The following IL1RAPL1 variants were observed in gnomAD, a reference collection of about 807,000 sequenced individuals.
IL1RAPL1 encodes interleukin 1 receptor accessory protein like 1, also known as interleukin-1 receptor accessory protein-like 1.
A neutral mutation model predicts 48.4 loss-of-function variants in IL1RAPL1; 3 were observed. The ratio of observed to expected loss-of-function variants is 0.06; its 90% CI spans 0.03 to 0.16. IL1RAPL1 has a LOEUF of 0.16. IL1RAPL1 is among the 10% of genes least tolerant of loss of function. IL1RAPL1 has a pLI of 1.00. For missense variants in IL1RAPL1, 349 were observed against 530.6 expected (o/e 0.66, Z 3.36); for synonymous variants, 185 against 187.7 (o/e 0.99, Z 0.12).
At chrX:29,109,419 T>G (rs1169242212) in intron 2 of IL1RAPL1, among the ~76,000 whole-genome samples, 1 of 110,741 alleles carries the variant, frequency 9.0e-6, no homozygotes, top group Non-Finnish European at 1.9e-5. Flanking sequence ...TCAGTTTTTC[T>G]AATGTAAAGT....
chrX:29,207,572 T>C (rs966040373), intron 2 of IL1RAPL1, among the ~76,000 whole-genome samples: 1 of 112,256 alleles, frequency 8.9e-6, no homozygotes, highest in Non-Finnish European at 1.9e-5. Context: ...CCTTAATTTC[T>C]TTCTTACGAG....
At chrX:29,190,719 T>C (rs1391120183) in intron 2 of IL1RAPL1, among the ~76,000 whole-genome samples, 2 of 112,537 alleles carry the variant, frequency 1.8e-5, no homozygotes, top group African/African-American at 6.4e-5. Context: ...ATTAGAATGG[T>C]CTTTATGGAA....
At chrX:29,467,898 C>T (rs1386454841) in intron 5 of IL1RAPL1, among the ~76,000 whole-genome samples, 2 of 111,059 alleles carry the variant, frequency 1.8e-5, no homozygotes, top group East Asian at 2.8e-4. Context: ...TTGCTCTTGT[C>T]GGCCCAGGCT....
chrX:29,210,871 T>C (rs1188715779), intron 2 of IL1RAPL1, among the ~76,000 whole-genome samples: 2 of 112,497 alleles, frequency 1.8e-5, no homozygotes, highest in Non-Finnish European at 3.7e-5. Context: ...TCTTCAGCTC[T>C]ATATGAATAC....
At chrX:28,661,067 T>C (rs891463702) in intron 1 of IL1RAPL1, among the ~76,000 whole-genome samples, 3 of 68,505 alleles carry the variant, frequency 4.4e-5, no homozygotes, top group Non-Finnish European at 9.5e-5. Context: ...TAATTCTGCT[T>C]CTTTCTTAAC....
intron 6 of IL1RAPL1, among the ~76,000 whole-genome samples, chrX:29,858,081 A>G (rs1224374211): frequency 9.0e-6 from 1 of 111,632 alleles, no homozygotes; most frequent in Non-Finnish European, 1.9e-5. Flanking sequence ...CTTATGCCAA[A>G]GTGGCATAGT....
chrX:29,677,107 G>T (rs1926309238), intron 6 of IL1RAPL1, among the ~76,000 whole-genome samples: 1 of 112,050 alleles, frequency 8.9e-6, no homozygotes, highest in South Asian at 3.7e-4. Flanking sequence ...ATCATTTAAA[G>T]TTTGAATATA....
intron 2 of IL1RAPL1, among the ~76,000 whole-genome samples, chrX:29,165,176 G>A (rs756049945): frequency 3.0e-4 from 34 of 111,519 alleles, no homozygotes; most frequent in Non-Finnish European, 6.0e-4. Flanking sequence ...AAAATTAGCT[G>A]GGCGTGGTGG....
At chrX:29,566,172 C>A (rs1408386398) in intron 5 of IL1RAPL1, among the ~76,000 whole-genome samples, 2 of 111,780 alleles carry the variant, frequency 1.8e-5, no homozygotes, top group Non-Finnish European at 3.8e-5. Flanking sequence ...ATCTCCTGAC[C>A]TCGTGATCCA....
chrX:28,718,772 A>G (rs921984510), intron 1 of IL1RAPL1, among the ~76,000 whole-genome samples: 14 of 111,868 alleles, frequency 1.3e-4, no homozygotes, highest in Admixed American at 1.9e-4. Context: ...ACTGGCTGAC[A>G]TGAAATAGTT....
At chrX:29,273,067 G>C (rs1389130949) in intron 2 of IL1RAPL1, among the ~76,000 whole-genome samples, 1 of 111,254 alleles carries the variant, frequency 9.0e-6, no homozygotes, top group East Asian at 2.8e-4. Context: ...CCTTGGTTTG[G>C]GTTTCAACTT....
intron 5 of IL1RAPL1, among the ~76,000 whole-genome samples, chrX:29,615,099 C>T (rs1292310050): frequency 6.2e-5 from 7 of 112,171 alleles, no homozygotes; most frequent in African/African-American, 2.3e-4. Context: ...CTCCAACAAC[C>T]TAAAGATTAC....
chrX:28,872,571 GCAAA>G (rs1181457743), intron 2 of IL1RAPL1, among the ~76,000 whole-genome samples: 8 of 112,026 alleles, frequency 7.1e-5, no homozygotes, highest in Admixed American at 9.4e-5. Flanking sequence ...AGCAGTAAAA[GCAAA>G]CAAACAAACA....
intron 6 of IL1RAPL1, among the ~76,000 whole-genome samples, chrX:29,807,537 C>T (rs1255026272): frequency 2.0e-5 from 2 of 101,016 alleles, no homozygotes; most frequent in Non-Finnish European, 4.0e-5. Flanking sequence ...GCCTCTTGAA[C>T]CCGGGAGGTG....
intron 5 of IL1RAPL1, among the ~76,000 whole-genome samples, chrX:29,475,846 T>TTA (rs376989673): frequency 2.2e-3 from 242 of 111,133 alleles, no homozygotes; most frequent in African/African-American, 7.3e-3. Flanking sequence ...TTTTTTTTTT[T>TTA]ATGTAGTTTC....
chrX:29,889,291 AT>A (rs1932227795), intron 6 of IL1RAPL1, among the ~76,000 whole-genome samples: 1 of 111,895 alleles, frequency 8.9e-6, no homozygotes, highest in African/African-American at 3.2e-5. Flanking sequence ...CGAGTTTAAT[AT>A]CTGACACAAA....
At chrX:28,611,406 A>G (rs1934145954) in intron 1 of IL1RAPL1, among the ~76,000 whole-genome samples, 1 of 111,640 alleles carries the variant, frequency 9.0e-6, no homozygotes, top group Non-Finnish European at 1.9e-5. Context: ...TGCCCGAGGG[A>G]GTTTACAATT....
At chrX:29,387,380 T>G (rs1933792476) in intron 3 of IL1RAPL1, among the ~76,000 whole-genome samples, 1 of 112,548 alleles carries the variant, frequency 8.9e-6, no homozygotes, top group Non-Finnish European at 1.9e-5. Flanking sequence ...TGTCACTTTT[T>G]ATACGAAACT....
intron 6 of IL1RAPL1, among the ~76,000 whole-genome samples, chrX:29,875,965 A>T (rs1012966668): frequency 1.8e-5 from 2 of 111,671 alleles, no homozygotes; most frequent in African/African-American, 6.5e-5. Flanking sequence ...CAAAATGTGA[A>T]TGACAGTATG....
Sources: allele counts gnomAD v4.1 joint callset (sites outside exome capture counted in the v4.1 genomes callset), GRCh38; gene constraint gnomAD v4.1.1; transcripts MANE v1.5; gene names NCBI Gene and HGNC (gene_info 2026-07-23, HGNC 2026-07-21).